The following MEI4 variants were observed in gnomAD, a reference collection of about 807,000 sequenced individuals.
MEI4 encodes meiosis-specific protein MEI4.
In MEI4, 27 loss-of-function variants were observed where a neutral mutation model predicts 31.4. That is an observed-to-expected ratio of 0.86 (90% CI 0.63 to 1.19). MEI4 has a LOEUF of 1.19. Ranked by LOEUF, MEI4 falls within the 50% of genes most tolerant of loss-of-function variation. The pLI, the probability that MEI4 is intolerant of heterozygous loss-of-function variation, is 0.00. For missense variants in MEI4, 329 were observed against 398.9 expected (o/e 0.82, Z 1.49); for synonymous variants, 122 against 145.4 (o/e 0.84, Z 1.16).
rs375756709 is a variant in MEI4 at position 77,908,369 on chromosome 6, T to C, written c.901-14720T>C. 1.1e-4 allele frequency among the ~76,000 whole-genome samples: 16 copies of C among 152,132 alleles called. No individual in the cohort carries two copies. The South Asian group carries it at 3.1e-3, about 30-fold the overall frequency. On this transcript the variant is annotated intron_variant, in intron 4 of 4. Transcript: ENST00000684080. Reference sequence around the variant, plus strand: ...TCCAGTTTCAGCTTTCTACATATGGTTAGCCAGTTTTCCCAGCACCATTTA... The same window carrying C: ...TCCAGTTTCAGCTTTCTACATATGGCTAGCCAGTTTTCCCAGCACCATTTA...
At chr6:77,773,974 C>A (rs1768378133) in intron 3 of MEI4, among the ~76,000 whole-genome samples, 1 of 151,970 alleles carries the variant, frequency 6.6e-6, no homozygotes, top group African/African-American at 2.4e-5. Context: ...TGTAATCTTA[C>A]CCCAATTAAA....
intron 4 of MEI4, among the ~76,000 whole-genome samples, chr6:77,872,566 ATTT>A (rs1177749419): frequency 1.3e-5 from 2 of 151,736 alleles, no homozygotes; most frequent in Non-Finnish European, 2.9e-5. Flanking sequence ...TTATTTTTTT[ATTT>A]TTTATTTATT....
At chr6:77,908,968 A>T (rs1196917569) in intron 4 of MEI4, among the ~76,000 whole-genome samples, 1 of 152,144 alleles carries the variant, frequency 6.6e-6, no homozygotes, top group East Asian at 1.9e-4. Flanking sequence ...TAACAAGGAT[A>T]TCCAGAACTG....
chr6:77,747,310 C>T (rs141779278), intron 2 of MEI4, among the ~76,000 whole-genome samples: 297 of 151,954 alleles, frequency 2.0e-3, no homozygotes, highest in African/African-American at 6.5e-3. Context: ...AGACTCAAGA[C>T]TCCATCTAAA....
At chr6:77,691,536 A>G (rs1297322096) in intron 2 of MEI4, among the ~76,000 whole-genome samples, 1 of 152,186 alleles carries the variant, frequency 6.6e-6, no homozygotes, top group South Asian at 2.1e-4. Flanking sequence ...AGTGGAGAAT[A>G]CATATTGCAT....
rs1770509157 is a variant in MEI4, at chr6:77,847,170, C to T, written c.900+18108C>T. On this transcript the variant is annotated intron_variant, in intron 4 of 4. Coordinates refer to ENST00000684080, the MANE Select transcript of MEI4 (RefSeq NM_001322247.2). The surrounding 1 kb of genome is among the most constrained non-coding windows in gnomAD (Gnocchi z 4.6). ...AATAAAAGATTCAGTGGTACTTTCT[C>T]TCAATGTTCTGAAATGGTGTGTATG... Among the ~76,000 whole-genome samples the T allele has an allele frequency of 6.6e-6, 1 of 152,032 alleles. No homozygotes were observed.
intron 2 of MEI4, among the ~76,000 whole-genome samples, chr6:77,713,812 T>C (rs1293027485): frequency 2.6e-5 from 4 of 152,218 alleles, no homozygotes; most frequent in Non-Finnish European, 5.9e-5. Flanking sequence ...ACAATGAGCT[T>C]TGTGATTTCT....
intron 2 of MEI4, among the ~76,000 whole-genome samples, chr6:77,760,716 G>C (rs1336282504): frequency 6.6e-6 from 1 of 152,118 alleles, no homozygotes; most frequent in Non-Finnish European, 1.5e-5. Context: ...AAGGTAGGCT[G>C]TTCAATGGCC....
Position 77,810,432 on chromosome 6 carries a change from G to A in MEI4, c.769-18499G>A, listed in dbSNP as rs558054500. ...CTGATCTCTAGGCCAGCTGCTGTCCGGAAAAAGCGTATTTAAGAGTATGAT... is the reference window on the plus strand; with the variant it reads ...CTGATCTCTAGGCCAGCTGCTGTCCAGAAAAAGCGTATTTAAGAGTATGAT... On this transcript the variant is annotated intron_variant, in intron 3 of 4. Coordinates refer to ENST00000684080, the MANE Select transcript of MEI4 (RefSeq NM_001322247.2). Among the ~76,000 whole-genome samples, 12 of 152,172 alleles carry A rather than the reference G, an allele frequency of 7.9e-5. No individual in the cohort carries two copies. In the East Asian group the frequency reaches 1.9e-3, roughly 25 times the overall value.
In MEI4 at chr6:77,680,115, C is replaced by CAA. The variant is rs1220251759; in HGVS notation, c.-14-10530_-14-10529dup. On this transcript the variant is annotated intron_variant, in intron 1 of 4. Transcript: ENST00000684080. ...TGAAACCCCGTCCCTACTAAAAATA[C>CAA]AAAAAAAAAAAAAATTAGCTGGGCG... 9.6e-4 allele frequency among the ~76,000 whole-genome samples: 38 copies of CAA among 39,770 alleles called. 6 individuals carry two copies. In the East Asian group the frequency reaches 0.047, roughly 49 times the overall value. 26.1% of individuals were successfully genotyped at this position (39,770 alleles called of 152,430 possible).
At chr6:77,733,446 T>A (rs1363640111) in intron 2 of MEI4, among the ~76,000 whole-genome samples, 1 of 152,124 alleles carries the variant, frequency 6.6e-6, no homozygotes, top group Non-Finnish European at 1.5e-5. Flanking sequence ...TGATGGTAGT[T>A]TGTATTTCTG....
chr6:77,852,606 G>A (rs1387852169), intron 4 of MEI4, among the ~76,000 whole-genome samples: 1 of 134,764 alleles, frequency 7.4e-6, no homozygotes, highest in African/African-American at 2.9e-5. Context: ...TTGTCTCACA[G>A]TTTTAGAGAC....
At chr6:77,879,795 T>C (rs1270577327) in intron 4 of MEI4, among the ~76,000 whole-genome samples, 1 of 152,146 alleles carries the variant, frequency 6.6e-6, no homozygotes, top group Non-Finnish European at 1.5e-5. Context: ...CCAGGGGCCT[T>C]ACAGGATCTG....
At chr6:77,693,395 G>C (rs1248486815) in intron 2 of MEI4, among the ~76,000 whole-genome samples, 2 of 151,936 alleles carry the variant, frequency 1.3e-5, no homozygotes, top group Non-Finnish European at 2.9e-5. Flanking sequence ...CTATCCAAGG[G>C]TCTATTCATA....
intron 4 of MEI4, among the ~76,000 whole-genome samples, chr6:77,905,108 T>C (rs2127736427): frequency 6.6e-6 from 1 of 152,234 alleles, no homozygotes; most frequent in Admixed American, 6.5e-5. Flanking sequence ...CACTTTTGTC[T>C]GGGGAAGTCT....
intron 3 of MEI4, among the ~76,000 whole-genome samples, chr6:77,763,718 C>A (rs977937492): frequency 4.6e-5 from 7 of 152,058 alleles, no homozygotes; most frequent in Non-Finnish European, 8.8e-5. Flanking sequence ...TTGGAAGTGG[C>A]CATTTTTATT....
At chr6:77,753,740 C>G (rs1210633154) in intron 2 of MEI4, among the ~76,000 whole-genome samples, 1 of 152,170 alleles carries the variant, frequency 6.6e-6, no homozygotes, top group Non-Finnish European at 1.5e-5. Context: ...ACCCAGAAAT[C>G]CCATTACTGA....
At chr6:77,668,171 C>A (rs16889289) in intron 1 of MEI4, among the ~76,000 whole-genome samples, 12,553 of 152,036 alleles carry the variant, frequency 0.083, 708 homozygotes, top group East Asian at 0.22. Flanking sequence ...GAGGGGCTGC[C>A]AGAATGAAAA....
intron 4 of MEI4, among the ~76,000 whole-genome samples, chr6:77,879,258 A>C (rs1771421997): frequency 6.6e-6 from 1 of 152,200 alleles, no homozygotes; most frequent in African/African-American, 2.4e-5. Context: ...ACATTGTGAA[A>C]GTTTGAGTAT....
Sources: allele counts gnomAD v4.1 joint callset (sites outside exome capture counted in the v4.1 genomes callset), GRCh38; gene constraint gnomAD v4.1.1; non-coding constraint Gnocchi (gnomAD v3.1); transcripts MANE v1.5; gene names NCBI Gene and HGNC (gene_info 2026-07-23, HGNC 2026-07-21).